OCRL: variants seen among roughly 807,000 people sequenced by gnomAD.
OCRL encodes the protein OCRL inositol polyphosphate-5-phosphatase, also known as inositol polyphosphate 5-phosphatase OCRL.
In OCRL, 8 loss-of-function variants were observed where a neutral mutation model predicts 78.9. The observed-to-expected ratio is 0.10, with a 90% CI of 0.06 to 0.18. The LOEUF (loss-of-function observed/expected upper bound fraction) is 0.18, where lower values mean the gene tolerates loss of function less well. Among genes scored for constraint, OCRL ranks in the 10% least tolerant of loss-of-function variants. The pLI, the probability that OCRL is intolerant of heterozygous loss-of-function variation, is 1.00. For missense variants in OCRL, 454 were observed against 696.7 expected, an observed-to-expected ratio of 0.65 and a Z score of 3.92; for synonymous variants, 240 against 235.4, an observed-to-expected ratio of 1.02 and a Z score of -0.18.
chrX:129,577,999 G>A (rs908386502), intron 18 of OCRL, among the ~76,000 whole-genome samples: 1 of 110,973 alleles, frequency 9.0e-6, no homozygotes, highest in African/African-American at 3.3e-5. Flanking sequence ...AATGTCAAAT[G>A]TGCAGAAAAA....
At chrX:129,567,456 C>T in intron 14 of OCRL, 93 bp downstream of exon 14, 1 of 585,915 alleles carries the variant, frequency 1.7e-6, no homozygotes, top group Non-Finnish European at 2.9e-6. Flanking sequence ...TTTTTTAGGC[C>T]ATGCCATAAG....
intron 16 of OCRL, chrX:129,575,693 G>A (rs889253212): frequency 1.5e-5 from 7 of 465,899 alleles, no homozygotes; most frequent in Non-Finnish European, 2.2e-5. Flanking sequence ...GAAGTAGCAA[G>A]AGCCACCTAA....
chrX:129,572,326 G>T (rs1237423428), intron 15 of OCRL, among the ~76,000 whole-genome samples: 1 of 111,407 alleles, frequency 9.0e-6, no homozygotes. Flanking sequence ...CTAGCTCATT[G>T]TACTTTTTTT....
intron 15 of OCRL, among the ~76,000 whole-genome samples, chrX:129,573,883 G>A (rs1321750185): frequency 8.9e-6 from 1 of 112,123 alleles, no homozygotes; most frequent in Non-Finnish European, 1.9e-5. Context: ...TTTTATGGCT[G>A]TATAGTATTC....
chrX:129,552,617 GT>G (rs1205394952), intron 4 of OCRL, among the ~76,000 whole-genome samples: 1 of 111,795 alleles, frequency 8.9e-6, no homozygotes, highest in Non-Finnish European at 1.9e-5. Flanking sequence ...TAGAGATGGG[GT>G]TTTGCCTTAT....
intron 18 of OCRL, among the ~76,000 whole-genome samples, chrX:129,578,650 T>C (rs1370787436): frequency 9.0e-6 from 1 of 110,886 alleles, no homozygotes; most frequent in Non-Finnish European, 1.9e-5. Flanking sequence ...TCAACCCTCA[T>C]AAAGTTTTTA....
At chrX:129,564,264 C>T (rs1360062850) in intron 12 of OCRL, among the ~76,000 whole-genome samples, 1 of 109,670 alleles carries the variant, frequency 9.1e-6, no homozygotes, top group Non-Finnish European at 1.9e-5. Context: ...CACTTTTACA[C>T]TGTTGGTGGG....
At chrX:129,557,781 G>A in intron 5 of OCRL, 80 bp from the exon 6 acceptor site, 1 of 720,267 alleles carries the variant, frequency 1.4e-6, no homozygotes, top group Admixed American at 2.2e-5. Flanking sequence ...AAGGAATGTT[G>A]AAAGAATGGC....
intron 3 of OCRL, among the ~76,000 whole-genome samples, chrX:129,547,489 C>G (rs1274077018): frequency 2.1e-5 from 2 of 96,365 alleles, no homozygotes; most frequent in Non-Finnish European, 4.1e-5. Flanking sequence ...CGTGCCACTG[C>G]ACTCCAGCCT....
intron 22 of OCRL, chrX:129,589,347 C>CT: frequency 3.3e-6 from 1 of 302,419 alleles, no homozygotes; most frequent in African/African-American, 2.7e-5. Context: ...GGGAGCCTTT[C>CT]TTCTTTTTCT....
In OCRL at chrX:129,568,718, A is replaced by G. The variant is rs144913045; in HGVS notation, c.1467-546A>G. ...CATGGTTTGATTTTATTTCGTCTCT[A>G]TTAGAAGAAGCTAGACTTGTCCATA... is the stretch of plus-strand genomic sequence containing the variant. On this transcript the variant is annotated intron_variant, in intron 14 of 23. Coordinates refer to ENST00000371113, the MANE Select transcript of OCRL (RefSeq NM_000276.4). Among the ~76,000 whole-genome samples, 1,076 of 112,319 alleles carry G rather than the reference A, an allele frequency of 9.6e-3. 15 individuals are homozygous for G. The highest frequency in any genetic ancestry group is 0.034 in the African/African-American group (1,038 of 30,876).
At position 129,567,275 on chromosome X, in the gene OCRL, A is replaced by C; in HGVS notation, c.1378A>C (p.Lys460Gln). ...FDQLNIQRTQ[K>Q]KAFVDFNEGE... is the part of the protein sequence containing the mutation. ...GTAGCTAAATATTCAGCGCACACAG[A>C]AAAAAGCTTTTGTTGACTTCAATGA... The change falls in exon 14 of 24, where the codon AAA becomes CAA. Residue 460 changes from lysine to glutamine, a missense_variant. By Grantham distance (53) the Lys-to-Gln change is moderately conservative. Around this residue, in one of 2 missense-constraint regions of OCRL, gnomAD observed 277 missense variants for 517.1 expected, o/e 0.54. Coordinates refer to ENST00000371113, the MANE Select transcript of OCRL (RefSeq NM_000276.4). The C allele has an allele frequency of 8.3e-7, 1 of 1,207,404 alleles. No individual in the cohort carries two copies. Among genetic ancestry groups the C allele is most frequent in the Non-Finnish European group, 1.1e-6 (1 of 891,378 alleles).
At position 129,584,374 on chromosome X, in the gene OCRL, C is replaced by T. The variant is rs1331551611; in HGVS notation, c.2139+7C>T. 5 of 1,204,298 alleles carry T rather than the reference C, an allele frequency of 4.2e-6. No individual in the cohort carries two copies. Among genetic ancestry groups the T allele is most frequent in the Non-Finnish European group, 5.6e-6 (5 of 888,702 alleles). ...AGACAGCTTCCTAGAAAAGGTAATG[C>T]AATCCATTGGTGGTTATGAGAGTTT... On this transcript the variant is annotated splice_region_variant and intron_variant, in intron 19 of 23. Transcript: ENST00000371113.
rs752106260 is a variant in OCRL at position 129,545,099 on chromosome X, G to A, written c.199+62G>A. On this transcript the variant is annotated intron_variant, in intron 3 of 23. Coordinates refer to ENST00000371113, the MANE Select transcript of OCRL (RefSeq NM_000276.4). ...TTTTTCTCGGTCATTACTGCATTAT[G>A]TAATACCATACATATTTAAATTTGT... 5 of 607,562 alleles carry A rather than the reference G, an allele frequency of 8.2e-6. No individual in the cohort carries two copies. In the South Asian group the frequency reaches 9.2e-5, roughly 11 times the overall value. The allele number at this position is 607,562 out of a possible 1,213,427, so 50.1% of individuals were successfully genotyped here.
intron 19 of OCRL, among the ~76,000 whole-genome samples, 165 bp downstream of exon 19, chrX:129,584,532 A>G (rs1380498640): frequency 1.8e-5 from 2 of 111,869 alleles, no homozygotes; most frequent in African/African-American, 6.5e-5. Flanking sequence ...GAAGTACAGG[A>G]AAGATATTTA....
At position 129,540,402 on chromosome X, in the gene OCRL, C is replaced by T. The variant is rs1392882590; in HGVS notation, c.-38C>T. The T allele has an allele frequency of 8.7e-7, 1 of 1,150,408 alleles. No homozygotes were observed. The highest frequency in any genetic ancestry group is 1.8e-5 in the African/African-American group (1 of 55,895). The allele number at this position is 1,150,408 out of a possible 1,213,427, so 94.8% of individuals were successfully genotyped here. ...GGGAGCCAGTGTCGTCGGATCGGCCCGCAGTCCGCTGTCCTGCTGAGCCCG... is the reference window on the plus strand; with the variant it reads ...GGGAGCCAGTGTCGTCGGATCGGCCTGCAGTCCGCTGTCCTGCTGAGCCCG... On this transcript the variant is annotated 5_prime_UTR_variant, in exon 1 of 24. Transcript: ENST00000371113.
In OCRL at chrX:129,565,830, G is replaced by A. The variant is rs1418690740; in HGVS notation, c.1303G>A (p.Val435Met). 8.3e-7 allele frequency: 1 copy of A among 1,207,364 alleles called. No homozygotes were observed. Among genetic ancestry groups the A allele is most frequent in the African/African-American group, 1.8e-5 (1 of 57,041 alleles). The change falls in exon 13 of 24, where the codon GTG becomes ATG. Residue 435 changes from valine to methionine, a missense_variant. Val to Met is a conservative substitution (Grantham distance 21, BLOSUM62 1). Coordinates refer to ENST00000371113, the MANE Select transcript of OCRL (RefSeq NM_000276.4). ...ACTTTGCATGCCTGATGCCAATGAG[G>A]TGAAAAGTCTTATTAATAAGAAAGA... ...YRLCMPDANEVKSLINKKDLQ... is the reference protein window; with the variant it reads ...YRLCMPDANEMKSLINKKDLQ...
Position 129,550,937 on chromosome X carries a change from G to GT in OCRL, c.238+2350dup, listed in dbSNP as rs113308111. 5.0e-3 allele frequency among the ~76,000 whole-genome samples: 478 copies of GT among 96,423 alleles called. 2 individuals are homozygous for GT. The highest frequency in any genetic ancestry group is 0.011 in the Middle Eastern group (2 of 187). The allele number at this position is 96,423 out of a possible 115,157, so 83.7% of individuals were successfully genotyped here. ...CATTATTGCTTGTTGATTTGACAGG[G>GT]TTTTTTTTTTTTTTAATTAAGAAAC... On this transcript the variant is annotated intron_variant, in intron 4 of 23. Coordinates refer to ENST00000371113, the MANE Select transcript of OCRL (RefSeq NM_000276.4).
intron 10 of OCRL, 25 bp downstream of exon 10, chrX:129,561,318 T>G (rs1156269405): frequency 1.0e-6 from 1 of 956,558 alleles, no homozygotes; most frequent in Non-Finnish European, 1.5e-6. Flanking sequence ...ATTATCTTTT[T>G]AAGTGTATGA....
Sources: gnomAD v4.1 joint callset for allele counts (sites outside exome capture counted in the v4.1 genomes callset) on GRCh38, gnomAD v4.1.1 for gene constraint, gnomAD v4.1.1 regional missense constraint, MANE v1.5 for transcripts, NCBI Gene and HGNC (gene_info 2026-07-23, HGNC 2026-07-21) for gene names.